FCF1: variants seen among roughly 807,000 people sequenced by gnomAD.
FCF1 encodes the protein FCF1 rRNA-processing protein.
Under a neutral mutation model 32.5 loss-of-function variants are expected in FCF1, and 17 were observed. That is an observed-to-expected ratio of 0.52 (90% CI 0.36 to 0.78). FCF1 has a LOEUF of 0.78. Ranked by LOEUF, FCF1 falls within the 30% of genes least tolerant of loss-of-function variation. FCF1 has a pLI of 0.00. For missense variants in FCF1, 201 were observed against 241.1 expected (o/e 0.83, Z 1.10); for synonymous variants, 84 against 78.4 (o/e 1.07, Z -0.38).
At chr14:74,717,226 C>T (rs112957049) in intron 4 of FCF1, among the ~76,000 whole-genome samples, 1,647 of 152,098 alleles carry the variant, frequency 0.011, 14 homozygotes, top group South Asian at 0.03. Flanking sequence ...CGTGGTGGCA[C>T]GTGACTGTAG....
chr14:74,717,227 G>T (rs908617587), intron 4 of FCF1, among the ~76,000 whole-genome samples: 1 of 152,072 alleles, frequency 6.6e-6, no homozygotes, highest in African/African-American at 2.4e-5. Flanking sequence ...GTGGTGGCAC[G>T]TGACTGTAGT....
intron 3 of FCF1, among the ~76,000 whole-genome samples, chr14:74,715,453 A>G (rs1187676829): frequency 6.6e-6 from 1 of 152,170 alleles, no homozygotes; most frequent in African/African-American, 2.4e-5. Context: ...ATACTGATCC[A>G]TGGCCTAGCA....
intron 4 of FCF1, 128 bp downstream of exon 4, chr14:74,716,227 C>G (rs1594781313): frequency 1.2e-6 from 1 of 855,858 alleles, no homozygotes; most frequent in East Asian, 2.5e-5. Flanking sequence ...CAGTGGTCAC[C>G]ATAGCAGTGA....
chr14:74,715,905 G>A (rs777523732), intron 3 of FCF1, 46 bp from the exon 4 acceptor site: 2 of 1,610,890 alleles, frequency 1.2e-6, no homozygotes, highest in South Asian at 1.1e-5. Flanking sequence ...TAATACTAGG[G>A]TATCAATGTA....
rs750165282 is a variant in FCF1 at position 74,713,180 on chromosome 14, C to G, written c.-18C>G. 6.2e-7 allele frequency: 1 copy of G among 1,614,130 alleles called. No individual in the cohort carries two copies. Among genetic ancestry groups the G allele is most frequent in the African/African-American group, 1.3e-5 (1 of 75,018 alleles). ...GCGCCGTTGGTGATTACGGAAGAAC[C>G]AGGAGTTTGGCGTGACCATGGTGAG... On this transcript the variant is annotated 5_prime_UTR_variant, in exon 1 of 8. Transcript: ENST00000341162.
chr14:74,724,158 C>G (rs888475003), intron 5 of FCF1, among the ~76,000 whole-genome samples: 11 of 152,198 alleles, frequency 7.2e-5, no homozygotes, highest in African/African-American at 2.7e-4. Flanking sequence ...TTGACAATAT[C>G]TGGTAAAATC....
At chr14:74,713,315 G>T in intron 1 of FCF1, 115 bp downstream of exon 1, 1 of 1,606,962 alleles carries the variant, frequency 6.2e-7, no homozygotes, top group Non-Finnish European at 8.5e-7. Flanking sequence ...TTTCATTCTG[G>T]TCTTAGCTCT....
intron 7 of FCF1, among the ~76,000 whole-genome samples, chr14:74,734,412 T>G (rs181799656): frequency 6.6e-6 from 1 of 152,274 alleles, no homozygotes; most frequent in East Asian, 1.9e-4. Flanking sequence ...ACGTATTGTT[T>G]TAAATAAAAG....
chr14:74,733,470 A>G (rs533611476), intron 6 of FCF1, among the ~76,000 whole-genome samples: 1 of 152,292 alleles, frequency 6.6e-6, no homozygotes, highest in East Asian at 1.9e-4. Flanking sequence ...CCACTCTGCC[A>G]CTTTTTATAA....
At chr14:74,716,510 C>T (rs147941403) in intron 4 of FCF1, among the ~76,000 whole-genome samples, 239 of 152,288 alleles carry the variant, frequency 1.6e-3, no homozygotes, top group African/African-American at 5.6e-3. Context: ...TTTATGATCA[C>T]AGCCCTAGAA....
chr14:74,733,024 T>C (rs2090658697), intron 6 of FCF1, among the ~76,000 whole-genome samples: 1 of 152,174 alleles, frequency 6.6e-6, no homozygotes, highest in Middle Eastern at 3.2e-3. Flanking sequence ...CTAACCATAA[T>C]GGAAAGAGCA....
intron 5 of FCF1, among the ~76,000 whole-genome samples, chr14:74,724,539 G>A (rs1296194754): frequency 2.0e-5 from 3 of 152,186 alleles, no homozygotes; most frequent in African/African-American, 4.8e-5. Context: ...TCCCACCTTG[G>A]CCTCTCAAAG....
intron 4 of FCF1, among the ~76,000 whole-genome samples, chr14:74,721,971 C>T (rs1211742874): frequency 1.3e-5 from 2 of 151,478 alleles, no homozygotes; most frequent in Admixed American, 1.3e-4. Flanking sequence ...GCAAATTTGC[C>T]CTCAAATAGT....
Position 74,735,106 on chromosome 14 carries a change from T to G in FCF1, c.*176T>G. 2 of 575,694 alleles carry G rather than the reference T, an allele frequency of 3.5e-6. No homozygotes were observed. The highest frequency in any genetic ancestry group is 6.1e-6 in the Non-Finnish European group (2 of 326,712). 35.7% of individuals were successfully genotyped at this position (575,694 alleles called of 1,614,324 possible). On this transcript the variant is annotated 3_prime_UTR_variant, in exon 8 of 8. Coordinates refer to ENST00000341162, the MANE Select transcript of FCF1 (RefSeq NM_015962.5). ...GATTAACATCCAAAGGACTGAACCC[T>G]GAACAGAGTTAAGTTACCTTTTAAG...
At chr14:74,715,844 C>T (rs1386449874) in intron 3 of FCF1, 107 bp from the exon 4 acceptor site, 1 of 1,608,594 alleles carries the variant, frequency 6.2e-7, no homozygotes, top group East Asian at 2.2e-5. Flanking sequence ...TGAACATGGA[C>T]AAAAGAGTTT....
intron 2 of FCF1, among the ~76,000 whole-genome samples, chr14:74,713,989 A>G (rs1174171187): frequency 6.6e-6 from 1 of 152,224 alleles, no homozygotes; most frequent in Non-Finnish European, 1.5e-5. Flanking sequence ...GAAAATGGGA[A>G]AACTCCAAGA....
intron 6 of FCF1, 114 bp downstream of exon 6, chr14:74,732,932 T>TA (rs957638729): frequency 3.1e-4 from 192 of 611,354 alleles, no homozygotes; most frequent in South Asian, 3.8e-4. Flanking sequence ...ATGGTTAAAT[T>TA]AAAAAAAAAT....
chr14:74,721,276 A>C (rs1460843350), intron 4 of FCF1, among the ~76,000 whole-genome samples: 1 of 151,660 alleles, frequency 6.6e-6, no homozygotes, highest in Non-Finnish European at 1.5e-5. Flanking sequence ...TGAACTCCTG[A>C]CCTCAGGTGA....
Position 74,713,477 on chromosome 14 carries a change from G to A in FCF1, c.4-8G>A, listed in dbSNP as rs1181578519. 2 of 1,612,680 alleles carry A rather than the reference G, an allele frequency of 1.2e-6. No individual in the cohort carries two copies. Among genetic ancestry groups the A allele is most frequent in the Admixed American group, 1.7e-5 (1 of 59,952 alleles). On this transcript the variant is annotated splice_region_variant and splice_polypyrimidine_tract_variant and intron_variant, in intron 1 of 7. Coordinates refer to ENST00000341162, the MANE Select transcript of FCF1 (RefSeq NM_015962.5). ...CAACTTTTTTAATTCTAAAATTTCT[G>A]TTTCAAGGGGAAGCAAAAGAAAACA...
Sources: allele counts gnomAD v4.1 joint callset (sites outside exome capture counted in the v4.1 genomes callset), GRCh38; gene constraint gnomAD v4.1.1; transcripts MANE v1.5; gene names NCBI Gene and HGNC (gene_info 2026-07-23, HGNC 2026-07-21).